CSMD1: variants seen among roughly 807,000 people sequenced by gnomAD.
CSMD1 encodes the protein CUB and sushi domain-containing protein 1.
In CSMD1, 213 loss-of-function variants were observed where a neutral mutation model predicts 417.5. That is an observed-to-expected ratio of 0.51 (90% CI 0.46 to 0.57). CSMD1 has a LOEUF of 0.57. CSMD1 is among the 20% of genes least tolerant of loss of function. The pLI is 0.00. For missense variants in CSMD1, 6,923 were observed against 4,529.7 expected (o/e 1.53, Z -15.17); for synonymous variants, 2,862 against 1,736.8 (o/e 1.65, Z -16.11).
At chr8:3,375,671 G>C (rs775921231) in intron 18 of CSMD1, among the ~76,000 whole-genome samples, 8 of 152,114 alleles carry the variant, frequency 5.3e-5, no homozygotes, top group African/African-American at 1.4e-4. Flanking sequence ...AATTGGGGCA[G>C]TCCAGCTGCA....
intron 12 of CSMD1, among the ~76,000 whole-genome samples, chr8:3,417,990 C>A (rs1813263932): frequency 6.6e-6 from 1 of 152,160 alleles, no homozygotes; most frequent in African/African-American, 2.4e-5. Flanking sequence ...GACATAAGCC[C>A]AGAAAGTAGC....
chr8:3,611,465 C>A (rs1801890823), intron 8 of CSMD1, among the ~76,000 whole-genome samples: 1 of 152,164 alleles, frequency 6.6e-6, no homozygotes, highest in East Asian at 1.9e-4. Context: ...CCAACTATCA[C>A]TGCTAAGATT....
intron 7 of CSMD1, among the ~76,000 whole-genome samples, chr8:3,678,901 C>G (rs372746469): frequency 5.3e-5 from 8 of 152,192 alleles, no homozygotes; most frequent in East Asian, 1.9e-4. Flanking sequence ...TTAAAGAAAA[C>G]AATTTTCAAC....
At chr8:4,803,244 G>C (rs888011296) in intron 1 of CSMD1, among the ~76,000 whole-genome samples, 2 of 152,082 alleles carry the variant, frequency 1.3e-5, no homozygotes, top group African/African-American at 4.8e-5. Context: ...TAAATTCATG[G>C]TTTATGGTTT....
At chr8:3,506,614 C>T (rs1355190873) in intron 10 of CSMD1, among the ~76,000 whole-genome samples, 5 of 152,140 alleles carry the variant, frequency 3.3e-5, no homozygotes, top group Non-Finnish European at 5.9e-5. Flanking sequence ...CCCAAAAAAG[C>T]ATGCTAATAT....
At chr8:3,705,873 G>A (rs1199749273) in intron 7 of CSMD1, among the ~76,000 whole-genome samples, 1 of 152,180 alleles carries the variant, frequency 6.6e-6, no homozygotes, top group Non-Finnish European at 1.5e-5. Flanking sequence ...CTCCACTGAA[G>A]GCACCAGCAC....
At chr8:3,878,724 T>C (rs1392562731) in intron 5 of CSMD1, among the ~76,000 whole-genome samples, 2 of 152,186 alleles carry the variant, frequency 1.3e-5, no homozygotes, top group Non-Finnish European at 1.5e-5. Context: ...CACTGTGTCA[T>C]GGGAAATATT....
At chr8:3,504,645 T>C (rs1332532622) in intron 10 of CSMD1, among the ~76,000 whole-genome samples, 1 of 152,228 alleles carries the variant, frequency 6.6e-6, no homozygotes, top group Non-Finnish European at 1.5e-5. Context: ...CTCTGCAATT[T>C]CTAACTCCAA....
At chr8:4,458,640 A>C (rs958819520) in intron 2 of CSMD1, among the ~76,000 whole-genome samples, 11 of 152,216 alleles carry the variant, frequency 7.2e-5, no homozygotes, top group African/African-American at 2.7e-4. Flanking sequence ...ATCAATGAGA[A>C]TGTATTTTGT....
intron 7 of CSMD1, among the ~76,000 whole-genome samples, chr8:3,651,669 A>C (rs1797864302): frequency 6.6e-6 from 1 of 152,096 alleles, no homozygotes; most frequent in African/African-American, 2.4e-5. Flanking sequence ...TAGCGTGCTT[A>C]CTATCACTGT....
rs556708448 is a variant in CSMD1, at chr8:4,621,214, C to T, written c.302+16128G>A. Among the ~76,000 whole-genome samples the T allele has an allele frequency of 6.6e-5, 10 of 152,056 alleles. No homozygotes were observed. In the East Asian group the frequency reaches 1.7e-3, roughly 26 times the overall value. ...GAAATCCTGGGGATGAGACCCAACACTAAATACAAAATTCATTTAATTTCA... is the reference window on the plus strand; with the variant it reads ...GAAATCCTGGGGATGAGACCCAACATTAAATACAAAATTCATTTAATTTCA... On this transcript the variant is annotated intron_variant, in intron 2 of 69. Coordinates refer to ENST00000635120, the MANE Select transcript of CSMD1 (RefSeq NM_033225.6).
intron 3 of CSMD1, among the ~76,000 whole-genome samples, chr8:4,255,254 G>C (rs1050216028): frequency 2.4e-4 from 37 of 152,206 alleles, no homozygotes; most frequent in East Asian, 1.2e-3. Flanking sequence ...ATTTTATCCA[G>C]TGAATATTTT....
At chr8:4,093,114 T>C (rs1476834128) in intron 3 of CSMD1, among the ~76,000 whole-genome samples, 1 of 152,198 alleles carries the variant, frequency 6.6e-6, no homozygotes, top group Non-Finnish European at 1.5e-5. Context: ...CCCTTGTGCC[T>C]AAAATCTCCA....
chr8:4,414,700 T>G (rs1378649611), intron 3 of CSMD1, among the ~76,000 whole-genome samples: 4 of 152,190 alleles, frequency 2.6e-5, no homozygotes, highest in African/African-American at 9.7e-5. Context: ...TTTCAGGTTT[T>G]GAGGAAATAT....
intron 3 of CSMD1, among the ~76,000 whole-genome samples, chr8:4,294,832 G>A (rs376381461): frequency 7.6e-4 from 115 of 151,918 alleles, no homozygotes; most frequent in East Asian, 2.1e-3. Flanking sequence ...TGTGTAATTA[G>A]TAACTTTCCT....
intron 1 of CSMD1, among the ~76,000 whole-genome samples, chr8:4,731,724 G>T (rs1809883957): frequency 6.6e-6 from 1 of 152,112 alleles, no homozygotes; most frequent in Non-Finnish European, 1.5e-5. Flanking sequence ...GAGGACCCAG[G>T]AACAGCAGCC....
chr8:3,014,838 T>C (rs1173817180), intron 52 of CSMD1, among the ~76,000 whole-genome samples: 1 of 151,806 alleles, frequency 6.6e-6, no homozygotes, highest in Non-Finnish European at 1.5e-5. Context: ...AGCACTTGAG[T>C]CCAGGAGGTC....
intron 5 of CSMD1, among the ~76,000 whole-genome samples, chr8:3,762,193 G>A (rs1050132543): frequency 2.6e-5 from 4 of 152,080 alleles, no homozygotes; most frequent in African/African-American, 9.7e-5. Flanking sequence ...ACTTCATGCA[G>A]GGCGCCATGC....
intron 1 of CSMD1, among the ~76,000 whole-genome samples, chr8:4,832,040 T>G (rs1179505311): frequency 1.3e-5 from 2 of 152,232 alleles, no homozygotes; most frequent in Non-Finnish European, 2.9e-5. Flanking sequence ...ATGCCACATG[T>G]TACCTTACAA....
Sources: allele counts gnomAD v4.1 joint callset (sites outside exome capture counted in the v4.1 genomes callset), GRCh38; gene constraint gnomAD v4.1.1; transcripts MANE v1.5; gene names NCBI Gene and HGNC (gene_info 2026-07-23, HGNC 2026-07-21).